Variants in CMIP observed in about 807,000 individuals in gnomAD.
CMIP encodes C-Maf-inducing protein.
In CMIP, 13 loss-of-function variants were observed where a neutral mutation model predicts 97.3. The ratio of observed to expected loss-of-function variants is 0.13; its 90% CI spans 0.09 to 0.21. The LOEUF (loss-of-function observed/expected upper bound fraction) is 0.21, where lower values mean the gene tolerates loss of function less well. Among genes scored for constraint, CMIP ranks in the 10% least tolerant of loss-of-function variants. CMIP has a pLI of 1.00. For synonymous variants in CMIP, 538 were observed against 436.3 expected (o/e 1.23, Z -2.91); for missense variants, 847 against 1,024.9 (o/e 0.83, Z 2.37).
At chr16:81,670,620 T>TGGGG (rs10542852) in intron 8 of CMIP, among the ~76,000 whole-genome samples, 5 of 98,346 alleles carry the variant, frequency 5.1e-5, no homozygotes, top group East Asian at 5.2e-4. Context: ...GGGTTTTTTT[T>TGGGG]GGGGGGGGGG....
At position 81,671,262 on chromosome 16, in the gene CMIP, C is replaced by G. The variant is rs2092680996; in HGVS notation, c.930-704C>G. On this transcript the variant is annotated intron_variant, in intron 8 of 20. Coordinates refer to ENST00000537098, the MANE Select transcript of CMIP (RefSeq NM_198390.3). ...TTGTGACATGCCCTCATGCCAGAAC[C>G]GTGGTGACACCACCCAGTTGTGGTT... Among the ~76,000 whole-genome samples the G allele has an allele frequency of 2.0e-5, 3 of 152,184 alleles. No individual in the cohort carries two copies. In the South Asian group the frequency reaches 6.2e-4, roughly 32 times the overall value.
rs1200589504 is a variant in CMIP at position 81,711,283 on chromosome 16, T to C, written c.*1484T>C. The C allele has an allele frequency of 1.3e-5, 2 of 152,450 alleles. No individual in the cohort carries two copies. The highest frequency in any genetic ancestry group is 1.9e-4 in the East Asian group (1 of 5,190). The allele number at this position is 152,450 out of a possible 1,614,324, so 9.4% of individuals were successfully genotyped here. On this transcript the variant is annotated 3_prime_UTR_variant, in exon 21 of 21. Coordinates refer to ENST00000537098, the MANE Select transcript of CMIP (RefSeq NM_198390.3). The stretch of plus-strand genomic sequence containing the variant: ...ACAGTCAGTGTACTTGTTTTATATA[T>C]ATTTAATCTTATTCAATGGAAACCA...
At chr16:81,587,228 G>A (rs1041096016) in intron 1 of CMIP, among the ~76,000 whole-genome samples, 1 of 152,226 alleles carries the variant, frequency 6.6e-6, no homozygotes, top group African/African-American at 2.4e-5. Flanking sequence ...CTGGACACTG[G>A]AGCCAGCTTT....
intron 1 of CMIP, among the ~76,000 whole-genome samples, chr16:81,472,091 C>T (rs1907594942): frequency 6.6e-6 from 1 of 152,218 alleles, no homozygotes; most frequent in Non-Finnish European, 1.5e-5. Context: ...CACTCACGCA[C>T]ATGCACATGT....
chr16:81,444,818 G>A lies in CMIP; in HGVS notation c.-424G>A, dbSNP rs1354412718. 2.1e-5 allele frequency among the ~76,000 whole-genome samples: 3 copies of A among 144,094 alleles called. No individual in the cohort carries two copies. Among genetic ancestry groups the A allele is most frequent in the African/African-American group, 5.0e-5 (2 of 40,092 alleles). The allele number at this position is 144,094 out of a possible 152,430, so 94.5% of individuals were successfully genotyped here. ...GCCCCGCCCGCGGCCACTCTCGCCC[G>A]GACGGCCGCGCGGACACACGCTCTG... On this transcript the variant is annotated 5_prime_UTR_variant, in exon 1 of 21. Transcript: ENST00000537098.
chr16:81,502,794 G>T (rs1221591923), intron 1 of CMIP, among the ~76,000 whole-genome samples: 11 of 152,154 alleles, frequency 7.2e-5, no homozygotes, highest in Admixed American at 7.2e-4. Context: ...AACAAAAAAA[G>T]AAGCAAGAAA....
Position 81,652,750 on chromosome 16 carries a change from C to G in CMIP, c.639+386C>G, listed in dbSNP as rs1285654525. On this transcript the variant is annotated intron_variant, in intron 4 of 20. Coordinates refer to ENST00000537098, the MANE Select transcript of CMIP (RefSeq NM_198390.3). The surrounding 1 kb of genome is among the most constrained non-coding windows in gnomAD (Gnocchi z 5.2). ...GATGTGCTCTGTTTAATTTAAACAC[C>G]ATTTTAAAAATCAGGAGATTTCACA... Among the ~76,000 whole-genome samples, 1 of 152,186 alleles carries G rather than the reference C, an allele frequency of 6.6e-6. No homozygotes were observed. Among genetic ancestry groups the G allele is most frequent in the East Asian group, 1.9e-4 (1 of 5,196 alleles).
chr16:81,640,171 C>T (rs9936622), intron 3 of CMIP, among the ~76,000 whole-genome samples: 4 of 152,050 alleles, frequency 2.6e-5, no homozygotes, highest in African/African-American at 9.7e-5. Context: ...TGTGCCGTTT[C>T]TGACGCAGGG....
At chr16:81,563,072 A>G (rs1225487303) in intron 1 of CMIP, among the ~76,000 whole-genome samples, 3 of 152,254 alleles carry the variant, frequency 2.0e-5, no homozygotes, top group African/African-American at 7.2e-5. Context: ...CTGACCCGCC[A>G]GAGGAAAAAC....
At chr16:81,512,362 C>G (rs1170159826) in intron 1 of CMIP, among the ~76,000 whole-genome samples, 1 of 152,198 alleles carries the variant, frequency 6.6e-6, no homozygotes, top group Non-Finnish European at 1.5e-5. Context: ...CTATCCATCA[C>G]CACCCCCATC....
intron 15 of CMIP, among the ~76,000 whole-genome samples, chr16:81,701,354 TCAGGGGCCTGCAAACATCCCC>T (rs1243556238): frequency 1.2e-4 from 18 of 152,154 alleles, no homozygotes; most frequent in Admixed American, 1.3e-4. Context: ...CCACCAGTGC[TCAGGGGCCTGCAAACATCCCC>T]CGGGGGCCTG....
intron 1 of CMIP, among the ~76,000 whole-genome samples, chr16:81,573,575 A>G (rs1432585460): frequency 6.6e-6 from 1 of 152,170 alleles, no homozygotes; most frequent in Non-Finnish European, 1.5e-5. Flanking sequence ...TGTTGTTTTA[A>G]AAATAAGTAC....
At chr16:81,485,940 T>G (rs1205663285) in intron 1 of CMIP, among the ~76,000 whole-genome samples, 5 of 152,194 alleles carry the variant, frequency 3.3e-5, no homozygotes. Flanking sequence ...CTTCCCCGAA[T>G]GAGTCACTCA....
intron 2 of CMIP, among the ~76,000 whole-genome samples, chr16:81,612,714 A>G (rs1271469257): frequency 6.6e-5 from 10 of 152,174 alleles, no homozygotes; most frequent in Admixed American, 5.9e-4. Context: ...CATTCCAAAG[A>G]TTTAACACCA....
In CMIP at chr16:81,705,523, C is replaced by G. The variant is rs1908032448; in HGVS notation, c.2116C>G (p.Leu706Val). The change falls in exon 19 of 21, where the codon CTG (leucine) becomes GTG (valine). Residue 706 changes from leucine to valine, a missense_variant. Physicochemically the swap from Leu to Val is conservative, Grantham distance 32 (BLOSUM62 1). This residue lies in a region of CMIP where 266 missense variants were observed against 384.2 expected (regional missense o/e 0.69). Coordinates refer to ENST00000537098, the MANE Select transcript of CMIP (RefSeq NM_198390.3). ...GTTTGGAGACGCTGGCCTTCGGCTC[C>G]TGTCGGAACACCTCACCATGCTCCA... The part of the protein sequence containing the change: ...TQFGDAGLRL[L>V]SEHLTMLQVL... The G allele has an allele frequency of 6.2e-7, 1 of 1,607,740 alleles. No homozygotes were observed. The highest frequency in any genetic ancestry group is 1.7e-5 in the Admixed American group (1 of 59,428).
At chr16:81,641,685 C>T (rs1298034977) in intron 3 of CMIP, among the ~76,000 whole-genome samples, 1 of 152,192 alleles carries the variant, frequency 6.6e-6, no homozygotes, top group African/African-American at 2.4e-5. Context: ...GGCATTTAGG[C>T]GTTTTCCCCT....
rs551246879 is a variant in CMIP at position 81,708,244 on chromosome 16, C to G, written c.2268+1160C>G. Reference sequence around the variant, plus strand: ...GGCAGGGGCACAGCCAGCAGATCACCCATCCCAGCGTTTAGACCTCAGCCC... The same window carrying G: ...GGCAGGGGCACAGCCAGCAGATCACGCATCCCAGCGTTTAGACCTCAGCCC... On this transcript the variant is annotated intron_variant, in intron 20 of 20. Coordinates refer to ENST00000537098, the MANE Select transcript of CMIP (RefSeq NM_198390.3). 7.9e-5 allele frequency among the ~76,000 whole-genome samples: 12 copies of G among 152,354 alleles called. No individual in the cohort carries two copies. The East Asian group carries it at 2.3e-3, about 29-fold the overall frequency.
chr16:81,467,168 G>A (rs947485022), intron 1 of CMIP, among the ~76,000 whole-genome samples: 1 of 152,332 alleles, frequency 6.6e-6, no homozygotes, highest in Admixed American at 6.5e-5. Flanking sequence ...ACGCCCTTGG[G>A]CTGGACGTGG....
intron 3 of CMIP, among the ~76,000 whole-genome samples, chr16:81,622,471 G>C (rs1353636300): frequency 2.0e-5 from 3 of 152,174 alleles, no homozygotes; most frequent in Admixed American, 6.5e-5. Flanking sequence ...CTGGGGGTCA[G>C]ATGCCAAAGC....
Sources: gnomAD v4.1 joint callset for allele counts (sites outside exome capture counted in the v4.1 genomes callset) on GRCh38, gnomAD v4.1.1 for gene constraint, gnomAD v4.1.1 regional missense constraint, Gnocchi (gnomAD v3.1) non-coding constraint, MANE v1.5 for transcripts, NCBI Gene and HGNC (gene_info 2026-07-23, HGNC 2026-07-21) for gene names.